Variants in KMT2D observed in about 807,000 individuals in gnomAD.
The protein encoded by KMT2D is histone-lysine N-methyltransferase 2D.
KMT2D carries 55 observed loss-of-function variants against 512.7 expected under a neutral mutation model. That is an observed-to-expected ratio of 0.11 (90% CI 0.09 to 0.13). The LOEUF is 0.13. Ranked by LOEUF, KMT2D falls within the 10% of genes least tolerant of loss-of-function variation. The pLI, the probability that KMT2D is intolerant of heterozygous loss-of-function variation, is 1.00. For synonymous variants in KMT2D, 2,995 were observed against 2,904.0 expected, an observed-to-expected ratio of 1.03 and a Z score of -1.01; for missense variants, 6,061 against 7,127.9, an observed-to-expected ratio of 0.85 and a Z score of 5.39.
At position 49,026,035 on chromosome 12, in the gene KMT2D, T is replaced by A; in HGVS notation, c.15784+147A>T. 7 of 683,144 alleles carry A rather than the reference T, an allele frequency of 1.0e-5. No individual in the cohort carries two copies. The highest frequency in any genetic ancestry group is 1.8e-5 in the African/African-American group (1 of 55,458). The allele number at this position is 683,144 out of a possible 1,614,324, so 42.3% of individuals were successfully genotyped here. On this transcript the variant is annotated intron_variant, in intron 49 of 54. Coordinates refer to ENST00000301067, the MANE Select transcript of KMT2D (RefSeq NM_003482.4). The surrounding 1 kb of genome is among the most constrained non-coding windows in gnomAD (Gnocchi z 9.6). The stretch of plus-strand genomic sequence containing the variant: ...GAGGCTCAAACACTTTCACTGGGAG[T>A]TTTCAAGAGACCCCCTGCCTGCCTG...
chr12:49,019,215 CAAAAT>C lies in KMT2D; in HGVS notation c.*2560_*2564del, dbSNP rs1261309840. The C allele has an allele frequency of 3.7e-5, 37 of 994,252 alleles. No individual in the cohort carries two copies. The highest frequency in any genetic ancestry group is 1.3e-4 in the South Asian group (3 of 22,422). 61.6% of individuals were successfully genotyped at this position (994,252 alleles called of 1,614,324 possible). The stretch of plus-strand genomic sequence containing the variant: ...CTTGCTGTACAGGATACACACAACA[CAAAAT>C]AAAGTCTTCACGGGATTCACACTTG... On this transcript the variant is annotated 3_prime_UTR_variant, in exon 55 of 55. Coordinates refer to ENST00000301067, the MANE Select transcript of KMT2D (RefSeq NM_003482.4).
At chr12:49,028,772 C>A (rs2120385236) in intron 46 of KMT2D, 56 bp downstream of exon 46, 1 of 1,597,264 alleles carries the variant, frequency 6.3e-7, no homozygotes, top group Non-Finnish European at 8.5e-7. Context: ...AGACAAATTC[C>A]AGGGACTGCC....
chr12:49,059,531 G>A (rs976417508), intron 1 of KMT2D, 82 bp downstream of exon 1: 1 of 152,516 alleles, frequency 6.6e-6, no homozygotes, highest in African/African-American at 2.4e-5. Flanking sequence ...CAACCTAAAG[G>A]CCAGCTCCGG....
At chr12:49,045,174 TAACTCAGAAG>T (rs1338354471) in intron 19 of KMT2D, among the ~76,000 whole-genome samples, 1 of 152,186 alleles carries the variant, frequency 6.6e-6, no homozygotes, top group African/African-American at 2.4e-5. Flanking sequence ...AGAGGAACTG[TAACTCAGAAG>T]CCTGCCTTTG....
In KMT2D at chr12:49,041,451, G is replaced by T. The variant is rs201977719; in HGVS notation, c.6319C>A (p.Pro2107Thr). The change falls in exon 32 of 55, where the codon CCC becomes ACC. Residue 2107 changes from proline to threonine, a missense_variant. Transcript: ENST00000301067. This position sits in a 1 kb window ranked among gnomAD's most constrained non-coding sequence, Gnocchi z 5.4. ...CTGCCCAGTGCCCCTGGCTGCGGGGGAATGCGGAGATGTAGGGCCGGTCGG... is the reference window on the plus strand; with the variant it reads ...CTGCCCAGTGCCCCTGGCTGCGGGGTAATGCGGAGATGTAGGGCCGGTCGG... Reference protein sequence around the residue: ...TDRPALHLRIPPQPGALGSPP... With the variant: ...TDRPALHLRITPQPGALGSPP... 181 of 1,612,682 alleles carry T rather than the reference G, an allele frequency of 1.1e-4. No homozygotes were observed. The highest frequency in any genetic ancestry group is 1.5e-4 in the Non-Finnish European group (176 of 1,179,022).
In KMT2D at chr12:49,031,278, G is replaced by T; in HGVS notation, c.13427C>A (p.Thr4476Asn). 6.2e-7 allele frequency: 1 copy of T among 1,613,452 alleles called. No individual in the cohort carries two copies. ...LLRAKNVQLS[T>N]GRGSEGLRAE... ...TCGCAGCCCCTCGGACCCCCGCCCA[G>T]TGCTGAGTTGCACATTCTTTGCCCG... Residue 4476 changes from threonine (T) to asparagine (N), a missense_variant, in exon 40 of 55, where the codon ACT (threonine) becomes AAT (asparagine). Transcript: ENST00000301067.
rs1205083140 is a variant in KMT2D, at chr12:49,026,490, C to T, written c.15476G>A (p.Arg5159Gln). Residue 5159 changes from arginine (R) to glutamine (Q), a missense_variant, in exon 49 of 55, where the codon CGG becomes CAG. Arg to Gln is a conservative substitution (Grantham distance 43). Coordinates refer to ENST00000301067, the MANE Select transcript of KMT2D (RefSeq NM_003482.4). The surrounding 1 kb of genome is among the most constrained non-coding windows in gnomAD (Gnocchi z 9.6). ...GCTAGCGATTTGCTTCACCTCGTCCCGCTCAATGTAGACCCGCCGGAAGAC... is the reference window on the plus strand; with the variant it reads ...GCTAGCGATTTGCTTCACCTCGTCCTGCTCAATGTAGACCCGCCGGAAGAC... ...FAVFRRVYIE[R>Q]DEVKQIASII... is the part of the protein sequence containing the mutation. 9 of 1,613,762 alleles carry T rather than the reference C, an allele frequency of 5.6e-6. No individual in the cohort carries two copies. The highest frequency in any genetic ancestry group is 1.7e-5 in the Admixed American group (1 of 60,004).
intron 49 of KMT2D, 117 bp from the exon 50 acceptor site, chr12:49,025,063 G>A: frequency 1.7e-6 from 2 of 1,203,516 alleles, no homozygotes; most frequent in Non-Finnish European, 2.3e-6. Context: ...CTATCATGAA[G>A]TTGTGTTGGT....
rs758061875 is a variant in KMT2D, at chr12:49,038,488, G to T, written c.8868C>A (p.Thr2956=). The change falls in exon 35 of 55, where the codon ACC becomes ACA. Residue 2956 remains threonine, a synonymous_variant. Transcript: ENST00000301067. The surrounding 1 kb of genome is among the most constrained non-coding windows in gnomAD (Gnocchi z 5.7). Reference sequence around the variant, plus strand: ...TGACCAGCTCCAAACCAGTTGGCAGGGTAGGACCCTTGGTGTGGGGTGTTG... The same window carrying T: ...TGACCAGCTCCAAACCAGTTGGCAGTGTAGGACCCTTGGTGTGGGGTGTTG... ...LHPTPHTKGP[T]LPTGLELVNR... 1 of 1,607,224 alleles carries T rather than the reference G, an allele frequency of 6.2e-7. No individual in the cohort carries two copies. The highest frequency in any genetic ancestry group is 1.1e-5 in the South Asian group (1 of 90,546).
chr12:49,036,129 T>C (rs998175540), intron 35 of KMT2D: 5 of 152,222 alleles, frequency 3.3e-5, no homozygotes, highest in Non-Finnish European at 5.9e-5. Flanking sequence ...AATTACTCAA[T>C]AAATGCTATT....
rs941339684 is a variant in KMT2D at position 49,054,696 on chromosome 12, C to T, written c.232G>A (p.Gly78Arg). ...LCNCGEPSLH[G>R]QRELRRFELP... ...TCAAAGCGCCGTAGCTCCCGCTGCCCGTGTAGACTGGGCTCCCCGCAGTTA... is the reference window on the plus strand; with the variant it reads ...TCAAAGCGCCGTAGCTCCCGCTGCCTGTGTAGACTGGGCTCCCCGCAGTTA... Residue 78 changes from glycine to arginine, a missense_variant, in exon 4 of 55, where the codon GGG (glycine) becomes AGG (arginine). Physicochemically the swap from Gly to Arg is moderately radical, Grantham distance 125. This residue lies in a region of KMT2D where 144 missense variants were observed against 165.7 expected (regional missense o/e 0.87). Coordinates refer to ENST00000301067, the MANE Select transcript of KMT2D (RefSeq NM_003482.4). The surrounding 1 kb of genome is among the most constrained non-coding windows in gnomAD (Gnocchi z 6.4). The T allele has an allele frequency of 7.4e-6, 12 of 1,613,208 alleles. No individual in the cohort carries two copies. The highest frequency in any genetic ancestry group is 1.0e-5 in the Non-Finnish European group (12 of 1,179,504).
rs2120508486 is a variant in KMT2D, at chr12:49,039,048, G to A, written c.8367-59C>T. On this transcript the variant is annotated intron_variant, in intron 34 of 54. Coordinates refer to ENST00000301067, the MANE Select transcript of KMT2D (RefSeq NM_003482.4). This position sits in a 1 kb window ranked among gnomAD's most constrained non-coding sequence, Gnocchi z 5.0. ...TCAGATGAAAAGGAGCAAGAACATG[G>A]GCTTAGGGCAGTGAGGAAGGATAGA... is the stretch of plus-strand genomic sequence containing the variant. The A allele has an allele frequency of 6.5e-7, 1 of 1,532,672 alleles. No homozygotes were observed. Among genetic ancestry groups the A allele is most frequent in the Non-Finnish European group, 8.9e-7 (1 of 1,125,714 alleles). The allele number at this position is 1,532,672 out of a possible 1,614,324, so 94.9% of individuals were successfully genotyped here.
Position 49,053,533 on chromosome 12 carries a change from G to C in KMT2D, c.782C>G (p.Thr261Ser), listed in dbSNP as rs562385594. The C allele has an allele frequency of 1.2e-6, 2 of 1,604,046 alleles. No individual in the cohort carries two copies. The highest frequency in any genetic ancestry group is 2.2e-5 in the South Asian group (2 of 89,358). Residue 261 changes from threonine (T) to serine (S), a missense_variant, in exon 7 of 55, where the codon ACT becomes AGT. Physicochemically the swap from Thr to Ser is moderately conservative, Grantham distance 58 (BLOSUM62 1). Coordinates refer to ENST00000301067, the MANE Select transcript of KMT2D (RefSeq NM_003482.4). ...CTGCCAGCCAGCACGTTTGCGGGCA[G>C]TCAGAGCAGTGTCCAGGCAGGCCCC... ...YHGACLDTALTARKRAGWQCP... is the reference protein window; with the variant it reads ...YHGACLDTALSARKRAGWQCP...
At position 49,042,339 on chromosome 12, in the gene KMT2D, C is replaced by T; in HGVS notation, c.5868-9G>A. The T allele has an allele frequency of 6.6e-7, 1 of 1,518,884 alleles. No individual in the cohort carries two copies. Among genetic ancestry groups the T allele is most frequent in the East Asian group, 2.4e-5 (1 of 41,260 alleles). The allele number at this position is 1,518,884 out of a possible 1,614,324, so 94.1% of individuals were successfully genotyped here. On this transcript the variant is annotated splice_polypyrimidine_tract_variant and intron_variant, in intron 28 of 54. Transcript: ENST00000301067. The surrounding 1 kb of genome is among the most constrained non-coding windows in gnomAD (Gnocchi z 4.4). ...AGAAGCCCCCGCGCTCCCTGGGGCG[C>T]AGGGGCAGAGAGTCACAGGGCGCAG... is the stretch of plus-strand genomic sequence containing the variant.
rs781695699 is a variant in KMT2D, at chr12:49,032,409, C to T, written c.12296G>A (p.Gly4099Glu). 1 of 1,593,308 alleles carries T rather than the reference C, an allele frequency of 6.3e-7. No homozygotes were observed. Among genetic ancestry groups the T allele is most frequent in the South Asian group, 1.1e-5 (1 of 88,714 alleles). The change falls in exon 40 of 55, where the codon GGA becomes GAA. Residue 4099 changes from glycine (G) to glutamate (E), a missense_variant. By Grantham distance (98) the Gly-to-Glu change is moderately conservative. Coordinates refer to ENST00000301067, the MANE Select transcript of KMT2D (RefSeq NM_003482.4). ...LQLQPPLRLP[G>E]QQQQQVSLLH... ...CAGGCTAACTTGCTGCTGCTGTTGTCCTGGAAGCCTCAGAGGTGGCTGCAG... is the reference window on the plus strand; with the variant it reads ...CAGGCTAACTTGCTGCTGCTGTTGTTCTGGAAGCCTCAGAGGTGGCTGCAG...
Position 49,026,852 on chromosome 12 carries a change from C to T in KMT2D, c.15114G>A (p.Glu5038=), listed in dbSNP as rs2120363645. The stretch of plus-strand genomic sequence containing the variant: ...CAGGCCCATCAGTGGCCCCGTCACC[C>T]TCCTCATGACAGAAACAGCAGCGAC... ...DMRRCCFCHE[E]GDGATDGPAR... The change falls in exon 49 of 55, where the codon GAG becomes GAA. Residue 5038 remains glutamate (E), a synonymous_variant. Transcript: ENST00000301067. This position sits in a 1 kb window ranked among gnomAD's most constrained non-coding sequence, Gnocchi z 9.6. The T allele has an allele frequency of 6.2e-7, 1 of 1,613,930 alleles. No homozygotes were observed. Among genetic ancestry groups the T allele is most frequent in the East Asian group, 2.2e-5 (1 of 44,868 alleles).
chr12:49,040,769 C>T lies in KMT2D; in HGVS notation c.7001G>A (p.Arg2334Gln), dbSNP rs757300574. 22 of 1,613,182 alleles carry T rather than the reference C, an allele frequency of 1.4e-5. No homozygotes were observed. Among genetic ancestry groups the T allele is most frequent in the African/African-American group, 1.2e-4 (9 of 74,770 alleles). ...GCTCTGGGGCTCTACCTGAGATGCC[C>T]GAGGGGTCAGGGGGGCTTTGAAGAC... ...PDVFKAPLTP[R>Q]ASQVEPQSPG... Residue 2334 changes from arginine (R) to glutamine (Q), a missense_variant, in exon 32 of 55, where the codon CGG becomes CAG. Coordinates refer to ENST00000301067, the MANE Select transcript of KMT2D (RefSeq NM_003482.4).
chr12:49,024,753 G>A lies in KMT2D; in HGVS notation c.15922-45C>T, dbSNP rs1942490872. ...TCACCTTAGCCTGAGTTTTTTTGGGGTTAGGCCAAAGTTCTCAGTGCCCGC... is the reference window on the plus strand; with the variant it reads ...TCACCTTAGCCTGAGTTTTTTTGGGATTAGGCCAAAGTTCTCAGTGCCCGC... On this transcript the variant is annotated intron_variant, in intron 50 of 54. Transcript: ENST00000301067. This position sits in a 1 kb window ranked among gnomAD's most constrained non-coding sequence, Gnocchi z 4.5. 6.2e-7 allele frequency: 1 copy of A among 1,608,314 alleles called. No individual in the cohort carries two copies. Among genetic ancestry groups the A allele is most frequent in the East Asian group, 2.2e-5 (1 of 44,742 alleles).
Position 49,034,203 on chromosome 12 carries a change from T to C in KMT2D, c.10604A>G (p.His3535Arg), listed in dbSNP as rs2120453913. 1 of 1,613,572 alleles carries C rather than the reference T, an allele frequency of 6.2e-7. No homozygotes were observed. Among genetic ancestry groups the C allele is most frequent in the Non-Finnish European group, 8.5e-7 (1 of 1,179,882 alleles). Residue 3535 changes from histidine to arginine, a missense_variant, in exon 39 of 55, where the codon CAC (histidine) becomes CGC (arginine). Around this residue, in one of 16 missense-constraint regions of KMT2D, gnomAD observed 50 missense variants for 119.9 expected, o/e 0.42. Coordinates refer to ENST00000301067, the MANE Select transcript of KMT2D (RefSeq NM_003482.4). ...ACACAGAGCCTTCCGGGACTTGCGG[T>C]GTACACCAATCTGCTCCTCTAGCAC... Reference protein sequence around the residue: ...LKVLEEQIGVHRKSRKALCAK... With the variant: ...LKVLEEQIGVRRKSRKALCAK...
Sources: allele counts gnomAD v4.1 joint callset (sites outside exome capture counted in the v4.1 genomes callset), GRCh38; gene constraint gnomAD v4.1.1; regional missense constraint gnomAD v4.1.1; non-coding constraint Gnocchi (gnomAD v3.1); transcripts MANE v1.5; gene names NCBI Gene and HGNC (gene_info 2026-07-23, HGNC 2026-07-21).